The following ZNF577 variants were observed in gnomAD, a reference collection of about 807,000 sequenced individuals.
ZNF577 encodes the protein zinc finger protein 577.
Under a neutral mutation model 13.9 loss-of-function variants are expected in ZNF577, and 14 were observed. The observed-to-expected ratio is 1.00, with a 90% confidence interval of 0.66 to 1.57. The LOEUF (loss-of-function observed/expected upper bound fraction) is 1.57. Ranked by LOEUF, ZNF577 falls within the 40% of genes most tolerant of loss-of-function variation. The pLI, the probability that ZNF577 is intolerant of heterozygous loss-of-function variation, is 0.00. For missense variants in ZNF577, 555 were observed against 579.2 expected, an observed-to-expected ratio of 0.96 and a Z score of 0.43; for synonymous variants, 203 against 202.9, an observed-to-expected ratio of 1.00 and a Z score of 0.00.
At chr19:51,879,510 A>C (rs1477533638) in intron 3 of ZNF577, among the ~76,000 whole-genome samples, 2 of 152,216 alleles carry the variant, frequency 1.3e-5, no homozygotes, top group African/African-American at 4.8e-5. Flanking sequence ...CAGAGGTTGC[A>C]GTGAGCCAAG....
At position 51,872,612 on chromosome 19, in the gene ZNF577, T is replaced by A; in HGVS notation, c.1378A>T (p.Ile460Leu). 6.2e-7 allele frequency: 1 copy of A among 1,614,098 alleles called. No individual in the cohort carries two copies. Among genetic ancestry groups the A allele is most frequent in the Non-Finnish European group, 8.5e-7 (1 of 1,179,984 alleles). ...FVVNQEFEQR[I>L]SLTNEVNVAP... is the part of the protein sequence containing the mutation. ...ACATTCACTTCATTTGTGAGGCTTA[T>A]TCTCTGTTCAAATTCCTGATTAACT... The change falls in exon 6 of 6, where the codon ATA becomes TTA. Residue 460 changes from isoleucine (I) to leucine (L), a missense_variant. Physicochemically the swap from Ile to Leu is conservative, Grantham distance 5. Transcript: ENST00000638348.
At position 51,872,857 on chromosome 19, in the gene ZNF577, C is replaced by T. The variant is rs751220369; in HGVS notation, c.1133G>A (p.Arg378Lys). ...CGTCAGTGAATTTATGGCTGTCTCT[C>T]TTATGTGAGTTTTCTCATGTTTAAT... is the stretch of plus-strand genomic sequence containing the variant. ...VLIKHEKTHI[R>K]ETAINSLTVE... The change falls in exon 6 of 6, where the codon AGA becomes AAA. Residue 378 changes from arginine (R) to lysine (K), a missense_variant. Physicochemically the swap from Arg to Lys is conservative, Grantham distance 26. Coordinates refer to ENST00000638348, the MANE Select transcript of ZNF577 (RefSeq NM_001370449.1). 3.7e-6 allele frequency: 6 copies of T among 1,614,066 alleles called. No homozygotes were observed. The highest frequency in any genetic ancestry group is 4.2e-6 in the Non-Finnish European group (5 of 1,180,048).
chr19:51,822,797 GTAAA>G (rs557895992), intron 9 of ZNF577, among the ~76,000 whole-genome samples: 96 of 152,274 alleles, frequency 6.3e-4, no homozygotes, highest in African/African-American at 2.1e-3. Context: ...ACGGGAGAAA[GTAAA>G]TATAGGGCCC....
At position 51,868,366 on chromosome 19, in the gene ZNF577, AC is replaced by A. The variant is rs2084599348; in HGVS notation, c.*4165del. Among the ~76,000 whole-genome samples the A allele has an allele frequency of 6.6e-6, 1 of 152,056 alleles. No individual in the cohort carries two copies. Among genetic ancestry groups the A allele is most frequent in the African/African-American group, 2.4e-5 (1 of 41,372 alleles). ...AGTCAGCAGAGTAAGGTTAGGTAAG[AC>A]CCATGCCCTGAGTCCCCTCCCCAGC... On this transcript the variant is annotated 3_prime_UTR_variant, in exon 6 of 6. Transcript: ENST00000638348.
intron 9 of ZNF577, among the ~76,000 whole-genome samples, chr19:51,833,759 G>A (rs1318328258): frequency 1.3e-5 from 2 of 152,206 alleles, no homozygotes; most frequent in Non-Finnish European, 2.9e-5. Context: ...CCTACTGCTT[G>A]TGTTCACAGA....
chr19:51,822,188 T>C (rs781284936), intron 9 of ZNF577, among the ~76,000 whole-genome samples: 2 of 152,310 alleles, frequency 1.3e-5, no homozygotes, highest in Non-Finnish European at 1.5e-5. Flanking sequence ...TGATTCTGTT[T>C]CTTAAAAGCA....
At chr19:51,886,207 A>G (rs2084943542) in intron 1 of ZNF577, 1 of 152,198 alleles carries the variant, frequency 6.6e-6, no homozygotes, top group African/African-American at 2.4e-5. Context: ...TCACTTGAAA[A>G]AAACTTAAGA....
At position 51,880,711 on chromosome 19, in the gene ZNF577, G is replaced by T. The variant is rs2084848492; in HGVS notation, c.-52C>A. On this transcript the variant is annotated 5_prime_UTR_variant, in exon 2 of 6. Transcript: ENST00000638348. Reference sequence around the variant, plus strand: ...TTGCCCATTTCGTTCAACTCTTAGGGGCTAGCAACTCTAGTATGTTCTCTC... The same window carrying T: ...TTGCCCATTTCGTTCAACTCTTAGGTGCTAGCAACTCTAGTATGTTCTCTC... The T allele has an allele frequency of 3.1e-6, 1 of 322,148 alleles. No individual in the cohort carries two copies. Among genetic ancestry groups the T allele is most frequent in the Non-Finnish European group, 5.8e-6 (1 of 171,498 alleles). 20.0% of individuals were successfully genotyped at this position (322,148 alleles called of 1,614,324 possible).
chr19:51,834,380 A>T (rs2084278054), intron 9 of ZNF577, among the ~76,000 whole-genome samples: 1 of 152,202 alleles, frequency 6.6e-6, no homozygotes, highest in Non-Finnish European at 1.5e-5. Context: ...TCTTACACCT[A>T]AGAGTAGGAT....
At chr19:51,853,093 C>T (rs1353002699) in intron 5 of ZNF577, among the ~76,000 whole-genome samples, 1 of 152,114 alleles carries the variant, frequency 6.6e-6, no homozygotes, top group Non-Finnish European at 1.5e-5. Flanking sequence ...CAGGCCGCCC[C>T]ACCCAGCTAA....
At chr19:51,850,070 A>C (rs967129320) in intron 5 of ZNF577, among the ~76,000 whole-genome samples, 5 of 152,234 alleles carry the variant, frequency 3.3e-5, no homozygotes, top group Non-Finnish European at 7.3e-5. Context: ...GGGTTGACTA[A>C]AATGGACAGA....
downstream of ZNF577, chr19:51,863,188 G>C (rs1339551442): frequency 6.6e-6 from 1 of 152,128 alleles, no homozygotes; most frequent in Non-Finnish European, 1.5e-5. Flanking sequence ...AGTTCTCTGA[G>C]GCATGGTCAT....
At chr19:51,814,550 G>A (rs2084120557) in intron 9 of ZNF577, among the ~76,000 whole-genome samples, 1 of 152,168 alleles carries the variant, frequency 6.6e-6, no homozygotes, top group Non-Finnish European at 1.5e-5. Context: ...ATGAAGTGCA[G>A]TGGTGTGATC....
At chr19:51,821,769 C>A (rs1010702547) in intron 9 of ZNF577, among the ~76,000 whole-genome samples, 2 of 151,010 alleles carry the variant, frequency 1.3e-5, no homozygotes, top group Non-Finnish European at 2.9e-5. Context: ...ACCGGCTGGA[C>A]ATGATGCTGA....
At chr19:51,827,817 G>A (rs1258280035) in intron 9 of ZNF577, among the ~76,000 whole-genome samples, 2 of 152,090 alleles carry the variant, frequency 1.3e-5, no homozygotes, top group African/African-American at 4.8e-5. Context: ...ATTCTGTATT[G>A]TGAACATACT....
intron 9 of ZNF577, chr19:51,823,917 C>G: frequency 6.2e-7 from 1 of 1,614,102 alleles, no homozygotes; most frequent in East Asian, 2.2e-5. Flanking sequence ...CCGGATGACA[C>G]GCACAGTCAA....
downstream of ZNF577, among the ~76,000 whole-genome samples, chr19:51,865,563 ATG>A (rs796203880): frequency 2.0e-5 from 3 of 152,360 alleles, no homozygotes; most frequent in African/African-American, 7.2e-5. Context: ...TGCTGTGATG[ATG>A]TGTCGATTGT....
At chr19:51,806,455 C>T (rs906568423) in intron 10 of ZNF577, among the ~76,000 whole-genome samples, 6 of 152,176 alleles carry the variant, frequency 3.9e-5, no homozygotes, top group Non-Finnish European at 7.3e-5. Flanking sequence ...TCTTACCATC[C>T]GTACCAGGAG....
rs749388263 is a variant in ZNF577, at chr19:51,824,400, A to G, written c.*600-12726T>C. 5 of 1,614,042 alleles carry G rather than the reference A, an allele frequency of 3.1e-6. No individual in the cohort carries two copies. The highest frequency in any genetic ancestry group is 4.2e-6 in the Non-Finnish European group (5 of 1,180,002). Reference sequence around the variant, plus strand: ...CTTCAGCGTGCCTATGTCCATCATCACAGTCTGCTATGGGATCATCGCTGC... The same window carrying G: ...CTTCAGCGTGCCTATGTCCATCATCGCAGTCTGCTATGGGATCATCGCTGC... On this transcript the variant is annotated intron_variant and NMD_transcript_variant, in intron 9 of 10. Coordinates refer to the ZNF577 transcript ENST00000638827. This position sits in a 1 kb window ranked among gnomAD's most constrained non-coding sequence, Gnocchi z 4.7.
Sources: allele counts gnomAD v4.1 joint callset (sites outside exome capture counted in the v4.1 genomes callset), GRCh38; gene constraint gnomAD v4.1.1; non-coding constraint Gnocchi (gnomAD v3.1); transcripts MANE v1.5; gene names NCBI Gene and HGNC (gene_info 2026-07-23, HGNC 2026-07-21).